CSMD1: variants seen among roughly 807,000 people sequenced by gnomAD.
CSMD1 encodes CUB and Sushi multiple domains 1.
A neutral mutation model predicts 417.5 loss-of-function variants in CSMD1; 213 were observed. That is an observed-to-expected ratio of 0.51 (90% CI 0.46 to 0.57). CSMD1 has a LOEUF of 0.57. CSMD1 is among the 20% of genes least tolerant of loss of function. CSMD1 has a pLI of 0.00. For synonymous variants in CSMD1, 2,862 were observed against 1,736.8 expected, an observed-to-expected ratio of 1.65 and a Z score of -16.11; for missense variants, 6,923 against 4,529.7, an observed-to-expected ratio of 1.53 and a Z score of -15.17.
intron 54 of CSMD1, among the ~76,000 whole-genome samples, chr8:2,997,099 C>A (rs1331073396): frequency 1.3e-5 from 2 of 152,230 alleles, no homozygotes; most frequent in Non-Finnish European, 2.9e-5. Flanking sequence ...GCATTCTGCA[C>A]TGTGGTTAGT....
At chr8:4,738,850 T>G (rs139524942) in intron 1 of CSMD1, among the ~76,000 whole-genome samples, 73 of 151,604 alleles carry the variant, frequency 4.8e-4, no homozygotes, top group African/African-American at 1.7e-3. Context: ...ATACACAGGT[T>G]GCTTATTTAG....
rs537679235 is a variant in CSMD1, at chr8:4,166,247, C to A, written c.416-134148G>T. On this transcript the variant is annotated intron_variant, in intron 3 of 69. Coordinates refer to ENST00000635120, the MANE Select transcript of CSMD1 (RefSeq NM_033225.6). ...ACCCAATATATCCAGATTATCATAT[C>A]AATATGCATTTGATATAAAATACAT... 5.9e-5 allele frequency among the ~76,000 whole-genome samples: 9 copies of A among 152,192 alleles called. No homozygotes were observed. In the East Asian group the frequency reaches 1.7e-3, roughly 29 times the overall value.
At chr8:3,678,479 T>G (rs534706163) in intron 7 of CSMD1, among the ~76,000 whole-genome samples, 1 of 151,922 alleles carries the variant, frequency 6.6e-6, no homozygotes, top group South Asian at 2.1e-4. Flanking sequence ...AGAAGAGAAG[T>G]TTAGAGAAAA....
intron 6 of CSMD1, among the ~76,000 whole-genome samples, chr8:3,729,605 A>G (rs1802705845): frequency 6.6e-6 from 1 of 152,142 alleles, no homozygotes; most frequent in African/African-American, 2.4e-5. Flanking sequence ...GGAAGCCATT[A>G]GCAGATCTTA....
At chr8:4,020,109 A>T (rs749841764) in intron 4 of CSMD1, among the ~76,000 whole-genome samples, 2 of 152,140 alleles carry the variant, frequency 1.3e-5, no homozygotes, top group Admixed American at 6.5e-5. Flanking sequence ...GAGTTTCTCT[A>T]TGTGTCAGGC....
chr8:3,322,435 C>A (rs1344355770), intron 23 of CSMD1, among the ~76,000 whole-genome samples: 1 of 152,138 alleles, frequency 6.6e-6, no homozygotes, highest in African/African-American at 2.4e-5. Flanking sequence ...TAAAGAATTT[C>A]TTCTTCCAAA....
intron 1 of CSMD1, among the ~76,000 whole-genome samples, chr8:4,724,970 T>C (rs756227875): frequency 6.6e-6 from 1 of 152,126 alleles, no homozygotes; most frequent in Non-Finnish European, 1.5e-5. Context: ...GTTTAAAACA[T>C]AAGCCCATAA....
At chr8:3,960,766 T>C (rs1812272531) in intron 5 of CSMD1, among the ~76,000 whole-genome samples, 1 of 151,838 alleles carries the variant, frequency 6.6e-6, no homozygotes, top group African/African-American at 2.4e-5. Flanking sequence ...AATCAAGAAG[T>C]GATAAAAACA....
chr8:4,592,610 C>A (rs528208213), intron 2 of CSMD1, among the ~76,000 whole-genome samples: 1 of 152,224 alleles, frequency 6.6e-6, no homozygotes, highest in African/African-American at 2.4e-5. Context: ...TGGTCTCAAA[C>A]TCCTGATCCC....
At chr8:4,136,305 C>T (rs530084043) in intron 3 of CSMD1, among the ~76,000 whole-genome samples, 8 of 152,116 alleles carry the variant, frequency 5.3e-5, no homozygotes, top group African/African-American at 1.9e-4. Context: ...TTTTTAGCTT[C>T]CAGATTTTAT....
At chr8:4,441,323 G>C (rs1406131294) in intron 2 of CSMD1, among the ~76,000 whole-genome samples, 6 of 139,222 alleles carry the variant, frequency 4.3e-5, no homozygotes, top group African/African-American at 1.1e-4. Context: ...CTGCCCCCTA[G>C]GCTAGTTTTA....
chr8:3,451,713 C>T lies in CSMD1; in HGVS notation c.1561+16999G>A, dbSNP rs1055947871. 7.9e-5 allele frequency among the ~76,000 whole-genome samples: 12 copies of T among 152,262 alleles called. No individual in the cohort carries two copies. In the East Asian group the frequency reaches 1.4e-3, roughly 17 times the overall value. On this transcript the variant is annotated intron_variant, in intron 12 of 69. Coordinates refer to ENST00000635120, the MANE Select transcript of CSMD1 (RefSeq NM_033225.6). The stretch of plus-strand genomic sequence containing the variant: ...AACCAGTACCATGCTGTTTTGGTTA[C>T]GGTAGCCTTGTAATATAGTTTGAAG...
At chr8:3,189,460 G>A (rs1168693899) in intron 34 of CSMD1, among the ~76,000 whole-genome samples, 1 of 152,348 alleles carries the variant, frequency 6.6e-6, no homozygotes, top group East Asian at 1.9e-4. Flanking sequence ...AATCATGATT[G>A]CGCTGGAGCT....
rs540764244 is a variant in CSMD1 at position 3,824,111 on chromosome 8, T to G, written c.819-70069A>C. Among the ~76,000 whole-genome samples, 9 of 152,294 alleles carry G rather than the reference T, an allele frequency of 5.9e-5. No individual in the cohort carries two copies. In the East Asian group the frequency reaches 1.7e-3, roughly 29 times the overall value. ...TGTCACAGTGAAATTAGTCTCCTCATGCTATGTCGGAAGAAATATCTCATT... is the reference window on the plus strand; with the variant it reads ...TGTCACAGTGAAATTAGTCTCCTCAGGCTATGTCGGAAGAAATATCTCATT... On this transcript the variant is annotated intron_variant, in intron 5 of 69. Coordinates refer to ENST00000635120, the MANE Select transcript of CSMD1 (RefSeq NM_033225.6).
chr8:4,807,067 A>C lies in CSMD1; in HGVS notation c.86-169509T>G, dbSNP rs995898190. Among the ~76,000 whole-genome samples, 7 of 152,334 alleles carry C rather than the reference A, an allele frequency of 4.6e-5. No homozygotes were observed. In the East Asian group the frequency reaches 1.3e-3, roughly 29 times the overall value. On this transcript the variant is annotated intron_variant, in intron 1 of 69. Transcript: ENST00000635120. ...CTTATCTTGAAATAGAAAAAGAATT[A>C]AATATTTTTATTCTTTTTAACCACA...
chr8:4,390,857 A>G (rs138801187), intron 3 of CSMD1, among the ~76,000 whole-genome samples: 81 of 152,248 alleles, frequency 5.3e-4, no homozygotes, highest in Middle Eastern at 6.8e-3. Flanking sequence ...ATCCAATTTT[A>G]AGGTGTACCT....
chr8:4,222,628 C>G (rs1029480426), intron 3 of CSMD1, among the ~76,000 whole-genome samples: 13 of 152,192 alleles, frequency 8.5e-5, no homozygotes, highest in Non-Finnish European at 1.2e-4. Context: ...CAAGAACTGT[C>G]ATTTAAATTT....
At chr8:4,946,446 C>T (rs1585384816) in intron 1 of CSMD1, among the ~76,000 whole-genome samples, 1 of 152,132 alleles carries the variant, frequency 6.6e-6, no homozygotes, top group Non-Finnish European at 1.5e-5. Flanking sequence ...TGTTGAGTGA[C>T]AGGCTGGTCT....
chr8:3,616,775 C>T lies in CSMD1; in HGVS notation c.1032G>A (p.Leu344=). The part of the protein sequence containing the change: ...NSVLSQGGVA[L]VSDMCPDPGI... ...CAGGATCTGGACACATGTCAGAGAC[C>T]AATGCAACACCTCCTTGGCTCACTG... The change falls in exon 8 of 70, where the codon TTG becomes TTA. Residue 344 remains leucine, a synonymous_variant. Coordinates refer to ENST00000635120, the MANE Select transcript of CSMD1 (RefSeq NM_033225.6). 1 of 1,611,780 alleles carries T rather than the reference C, an allele frequency of 6.2e-7. No individual in the cohort carries two copies. The highest frequency in any genetic ancestry group is 8.5e-7 in the Non-Finnish European group (1 of 1,178,764).
Sources: gnomAD v4.1 joint callset for allele counts (sites outside exome capture counted in the v4.1 genomes callset) on GRCh38, gnomAD v4.1.1 for gene constraint, MANE v1.5 for transcripts, NCBI Gene and HGNC (gene_info 2026-07-23, HGNC 2026-07-21) for gene names.